PRDM15: variants seen among roughly 807,000 people sequenced by gnomAD.
PRDM15 encodes PR domain zinc finger protein 15.
PRDM15 carries 64 observed loss-of-function variants against 128.6 expected under a neutral mutation model. That is an observed-to-expected ratio of 0.50 (90% CI 0.41 to 0.61). The LOEUF (loss-of-function observed/expected upper bound fraction) is 0.61, where lower values mean the gene tolerates loss of function less well. Among genes scored for constraint, PRDM15 ranks in the 20% least tolerant of loss-of-function variants. PRDM15 has a pLI of 0.00. For missense variants in PRDM15, 1,242 were observed against 1,569.1 expected (o/e 0.79, Z 3.52); for synonymous variants, 615 against 621.8 (o/e 0.99, Z 0.16).
rs1375564342 is a variant in PRDM15 at position 41,804,535 on chromosome 21, T to C, written c.2732A>G (p.Gln911Arg). The change falls in exon 22 of 24, where the codon CAG becomes CGG. Residue 911 changes from glutamine (Q) to arginine (R), a missense_variant and splice_region_variant. Gln to Arg is a conservative substitution (Grantham distance 43). Around this residue, in one of 3 missense-constraint regions of PRDM15, gnomAD observed 602 missense variants for 788.3 expected, o/e 0.76. Coordinates refer to ENST00000398548, the MANE Select transcript of PRDM15 (RefSeq NM_001040424.3). ...TIDASSIGIV[Q>R]PELTLEQEDL... Reference sequence around the variant, plus strand: ...CCCCTGGGGCCCCATGCTGCTCACCTGGACGATGCCAATGGAGGAGGCGTC... The same window carrying C: ...CCCCTGGGGCCCCATGCTGCTCACCCGGACGATGCCAATGGAGGAGGCGTC... 3 of 1,564,046 alleles carry C rather than the reference T, an allele frequency of 1.9e-6. No individual in the cohort carries two copies. The highest frequency in any genetic ancestry group is 2.3e-5 in the East Asian group (1 of 42,670).
In PRDM15 at chr21:41,806,030, CCAT is replaced by C. The variant is rs2061567832; in HGVS notation, c.2653-1419_2653-1417del. ...ATCACCACCACCATCACCACCACCA[CCAT>C]CACCACCACCATCACCACCACCACC... On this transcript the variant is annotated intron_variant, in intron 21 of 23. Transcript: ENST00000398548. Among the ~76,000 whole-genome samples, 129 of 33,024 alleles carry C rather than the reference CCAT, an allele frequency of 3.9e-3. 1 individual carries two copies. The highest frequency in any genetic ancestry group is 6.4e-3 in the South Asian group (7 of 1,102). The allele number at this position is 33,024 out of a possible 152,430, so 21.7% of individuals were successfully genotyped here.
chr21:41,857,070 G>T, intron 4 of PRDM15, 106 bp downstream of exon 4: 1 of 1,017,888 alleles, frequency 9.8e-7, no homozygotes. Flanking sequence ...CTGTTTTTGA[G>T]GCATTTATAA....
chr21:41,843,313 A>T (rs541080740), intron 6 of PRDM15, among the ~76,000 whole-genome samples: 1 of 152,188 alleles, frequency 6.6e-6, no homozygotes, highest in East Asian at 1.9e-4. Flanking sequence ...TTTTTGGGCC[A>T]TTCTTCCTGG....
In PRDM15 at chr21:41,821,420, A is replaced by T. The variant is rs975837826; in HGVS notation, c.1897-190T>A. 1.3e-5 allele frequency among the ~76,000 whole-genome samples: 2 copies of T among 151,930 alleles called. No homozygotes were observed. Among genetic ancestry groups the T allele is most frequent in the Non-Finnish European group, 2.9e-5 (2 of 67,962 alleles). On this transcript the variant is annotated intron_variant, in intron 15 of 23. Transcript: ENST00000398548. The surrounding 1 kb of genome is among the most constrained non-coding windows in gnomAD (Gnocchi z 5.4). ...GAAGCCATAAGGCCTCATGCCCAAA[A>T]CTCAAGAGCACGGGTGTCCTCGGAA...
At position 41,828,964 on chromosome 21, in the gene PRDM15, TACAC is replaced by T. The variant is rs149934562; in HGVS notation, c.1367-635_1367-632del. Among the ~76,000 whole-genome samples, 2 of 130,898 alleles carry T rather than the reference TACAC, an allele frequency of 1.5e-5. No individual in the cohort carries two copies. Among genetic ancestry groups the T allele is most frequent in the South Asian group, 5.2e-4 (2 of 3,828 alleles). 85.9% of individuals were successfully genotyped at this position (130,898 alleles called of 152,430 possible). A position where few individuals can be genotyped will look rare whatever the true frequency, so the allele number is the denominator to read the frequency against. On this transcript the variant is annotated intron_variant, in intron 11 of 23. Coordinates refer to ENST00000398548, the MANE Select transcript of PRDM15 (RefSeq NM_001040424.3). The surrounding 1 kb of genome is among the most constrained non-coding windows in gnomAD (Gnocchi z 5.7). ...CAAATACACAATCACACACACCACA[TACAC>T]ACACCACGCACACATGCCCCACACA...
chr21:41,816,338 T>C (rs553317535), intron 18 of PRDM15, among the ~76,000 whole-genome samples: 55 of 152,304 alleles, frequency 3.6e-4, no homozygotes, highest in African/African-American at 1.3e-3. Context: ...GGCCCTGGCA[T>C]AGGGGCTGAG....
chr21:41,803,286 GCTCT>G (rs980529804), intron 22 of PRDM15, among the ~76,000 whole-genome samples: 2 of 152,176 alleles, frequency 1.3e-5, no homozygotes, highest in Non-Finnish European at 2.9e-5. Context: ...TCAAATCAGG[GCTCT>G]CTCTTCCCCA....
chr21:41,810,850 C>T lies in PRDM15; in HGVS notation c.2393-14G>A, dbSNP rs577625003. 2.3e-5 allele frequency: 37 copies of T among 1,612,716 alleles called. No homozygotes were observed. Among genetic ancestry groups the T allele is most frequent in the Non-Finnish European group, 2.9e-5 (34 of 1,178,796 alleles). ...AATCTTTAATCCCTGCAGAGAAAGGCGCACATAACTTCCTACGTTTAATGA... is the reference window on the plus strand; with the variant it reads ...AATCTTTAATCCCTGCAGAGAAAGGTGCACATAACTTCCTACGTTTAATGA... On this transcript the variant is annotated splice_polypyrimidine_tract_variant and intron_variant, in intron 19 of 23. Transcript: ENST00000398548. This position sits in a 1 kb window ranked among gnomAD's most constrained non-coding sequence, Gnocchi z 6.4.
At chr21:41,823,086 C>T in intron 14 of PRDM15, 1 of 560,512 alleles carries the variant, frequency 1.8e-6, no homozygotes, top group Non-Finnish European at 3.3e-6. Context: ...GATCCCTACC[C>T]TTCTACCATG....
intron 21 of PRDM15, among the ~76,000 whole-genome samples, chr21:41,806,040 C>T: frequency 7.2e-6 from 1 of 138,702 alleles, no homozygotes; most frequent in Non-Finnish European, 1.6e-5. Context: ...CCATCACCAC[C>T]ACCATCACCA....
chr21:41,818,084 G>A (rs1172639679), intron 18 of PRDM15, among the ~76,000 whole-genome samples: 1 of 152,082 alleles, frequency 6.6e-6, no homozygotes, highest in African/African-American at 2.4e-5. Context: ...TGCCCCTCCT[G>A]TCTCTACGCG....
At chr21:41,802,304 G>A (rs1023758383) in intron 23 of PRDM15, among the ~76,000 whole-genome samples, 3 of 152,164 alleles carry the variant, frequency 2.0e-5, no homozygotes, top group South Asian at 4.1e-4. Context: ...GAGAAAGTGG[G>A]ATTGTGGGAT....
chr21:41,826,996 C>T (rs984704197), intron 12 of PRDM15, among the ~76,000 whole-genome samples: 1 of 152,174 alleles, frequency 6.6e-6, no homozygotes, highest in East Asian at 1.9e-4. Flanking sequence ...TTGCCATGTG[C>T]GGGGTCCTGT....
chr21:41,804,462 C>T (rs573047221), intron 22 of PRDM15, 72 bp downstream of exon 22: 107 of 1,217,806 alleles, frequency 8.8e-5, no homozygotes, highest in Non-Finnish European at 1.2e-4. Flanking sequence ...CCTGTCCAAG[C>T]CCCTCTGGTC....
At chr21:41,860,166 TTAAA>T (rs766707976) in intron 2 of PRDM15, among the ~76,000 whole-genome samples, 157 bp downstream of exon 2, 80 of 152,352 alleles carry the variant, frequency 5.3e-4, no homozygotes, top group Non-Finnish European at 9.7e-4. Flanking sequence ...GTACTGCTTA[TTAAA>T]TAAATGTTTC....
intron 6 of PRDM15, among the ~76,000 whole-genome samples, chr21:41,843,526 C>T (rs919507608): frequency 1.3e-5 from 2 of 152,292 alleles, no homozygotes; most frequent in African/African-American, 2.4e-5. Context: ...TGTGATGTTT[C>T]GCCAACTTCT....
At chr21:41,868,623 T>G (rs954537772) in intron 1 of PRDM15, among the ~76,000 whole-genome samples, 2 of 152,136 alleles carry the variant, frequency 1.3e-5, no homozygotes, top group South Asian at 2.1e-4. Context: ...GTAGGCCACA[T>G]GTATTAATAT....
rs1466551212 is a variant in PRDM15 at position 41,869,465 on chromosome 21, T to C, written c.-9-9093A>G. 6.2e-5 allele frequency among the ~76,000 whole-genome samples: 9 copies of C among 145,016 alleles called. No individual in the cohort carries two copies. In the East Asian group the frequency reaches 1.8e-3, roughly 29 times the overall value. ...TTTTTTTTTTTTTTTTTTTGAGACA[T>C]GGTGGAGTTTCACTGTTATTGCCCA... On this transcript the variant is annotated intron_variant, in intron 1 of 23. Coordinates refer to ENST00000398548, the MANE Select transcript of PRDM15 (RefSeq NM_001040424.3).
At chr21:41,848,310 T>TA in intron 5 of PRDM15, among the ~76,000 whole-genome samples, 2 of 152,242 alleles carry the variant, frequency 1.3e-5, no homozygotes, top group Non-Finnish European at 2.9e-5. Flanking sequence ...ACCCTGTGCA[T>TA]GCATGTTCTG....
Sources: gnomAD v4.1 joint callset for allele counts (sites outside exome capture counted in the v4.1 genomes callset) on GRCh38, gnomAD v4.1.1 for gene constraint, gnomAD v4.1.1 regional missense constraint, Gnocchi (gnomAD v3.1) non-coding constraint, MANE v1.5 for transcripts, NCBI Gene and HGNC (gene_info 2026-07-23, HGNC 2026-07-21) for gene names.